Variants in REEP5 observed in about 807,000 individuals in gnomAD.
REEP5 encodes the protein receptor accessory protein 5, also known as receptor expression-enhancing protein 5.
Under a neutral mutation model 22.4 loss-of-function variants are expected in REEP5, and 24 were observed. The ratio of observed to expected loss-of-function variants is 1.07; its 90% CI spans 0.78 to 1.51. The LOEUF (loss-of-function observed/expected upper bound fraction) is 1.51. REEP5 is among the 40% of genes most tolerant of loss of function. The pLI is 0.00. For synonymous variants in REEP5, 103 were observed against 88.6 expected, an observed-to-expected ratio of 1.16 and a Z score of -0.92; for missense variants, 252 against 233.0, an observed-to-expected ratio of 1.08 and a Z score of -0.53.
At chr5:112,911,563 T>C (rs1769104105) in intron 2 of REEP5, among the ~76,000 whole-genome samples, 1 of 152,254 alleles carries the variant, frequency 6.6e-6, no homozygotes. Flanking sequence ...ACATCCACTT[T>C]TACAAGTTCT....
At chr5:112,912,310 C>T (rs1274047051) in intron 2 of REEP5, among the ~76,000 whole-genome samples, 1 of 152,036 alleles carries the variant, frequency 6.6e-6, no homozygotes, top group Non-Finnish European at 1.5e-5. Context: ...TTCAAACTAG[C>T]CAAATGACAT....
chr5:112,883,592 C>A (rs1159626619), intron 4 of REEP5, among the ~76,000 whole-genome samples: 2 of 152,160 alleles, frequency 1.3e-5, no homozygotes, highest in Non-Finnish European at 2.9e-5. Context: ...ACTACACTAC[C>A]TTCGTGATCT....
intron 2 of REEP5, among the ~76,000 whole-genome samples, chr5:112,915,349 T>C (rs1182218955): frequency 2.0e-5 from 3 of 152,358 alleles, no homozygotes; most frequent in Middle Eastern, 3.4e-3. Flanking sequence ...TTTTTAAAAC[T>C]TTATTTTCTT....
intron 2 of REEP5, among the ~76,000 whole-genome samples, chr5:112,910,493 C>T (rs1348940034): frequency 6.6e-6 from 1 of 152,136 alleles, no homozygotes; most frequent in Non-Finnish European, 1.5e-5. Flanking sequence ...ACTTCACTTA[C>T]CACCTAGGCA....
Position 112,922,184 on chromosome 5 carries a change from C to T in REEP5, c.7G>A (p.Ala3Thr), listed in dbSNP as rs549059592. MSAAMRERFDRFL... is the reference protein window; with the variant it reads MSTAMRERFDRFL... ...CGGTCGAACCTCTCCCTCATGGCCG[C>T]AGACATGGCGGGGACCGTCTCGCCG... The change falls in exon 1 of 5, where the codon GCG becomes ACG. Residue 3 changes from alanine to threonine, a missense_variant. Coordinates refer to ENST00000379638, the MANE Select transcript of REEP5 (RefSeq NM_005669.5). 5 of 1,606,642 alleles carry T rather than the reference C, an allele frequency of 3.1e-6. No individual in the cohort carries two copies. In the Admixed American group the frequency reaches 5.1e-5, roughly 16 times the overall value.
chr5:112,910,290 G>A (rs468610), intron 2 of REEP5, among the ~76,000 whole-genome samples: 64,174 of 151,840 alleles, frequency 0.42, 14,615 homozygotes, highest in African/African-American at 0.61. Flanking sequence ...CGACAGAGCA[G>A]GACTCCATCT....
At chr5:112,899,355 G>A (rs1768791081) in intron 3 of REEP5, among the ~76,000 whole-genome samples, 1 of 151,944 alleles carries the variant, frequency 6.6e-6, no homozygotes, top group Non-Finnish European at 1.5e-5. Flanking sequence ...ATGTTGCCCA[G>A]GATGGTGTCA....
intron 3 of REEP5, among the ~76,000 whole-genome samples, chr5:112,888,513 C>A (rs1768331151): frequency 6.6e-6 from 1 of 152,154 alleles, no homozygotes; most frequent in East Asian, 1.9e-4. Context: ...GCCTTGAACT[C>A]CTGGGTTCAA....
In REEP5 at chr5:112,911,932, G is replaced by C. The variant is rs547752766; in HGVS notation, c.212+9231C>G. Among the ~76,000 whole-genome samples, 3 of 152,254 alleles carry C rather than the reference G, an allele frequency of 2.0e-5. No individual in the cohort carries two copies. The South Asian group carries it at 6.2e-4, about 32-fold the overall frequency. On this transcript the variant is annotated intron_variant, in intron 2 of 4. Coordinates refer to ENST00000379638, the MANE Select transcript of REEP5 (RefSeq NM_005669.5). ...AAAAAATGAAAGTGAAAAAATAAAT[G>C]AAAGAAAATACTCTTAGGAAGGTTT... is the stretch of plus-strand genomic sequence containing the variant.
At chr5:112,883,323 C>T (rs905859596) in intron 4 of REEP5, among the ~76,000 whole-genome samples, 1 of 152,120 alleles carries the variant, frequency 6.6e-6, no homozygotes, top group Non-Finnish European at 1.5e-5. Flanking sequence ...ATCACTAGTA[C>T]CTTCCTCATT....
chr5:112,919,059 T>C (rs1024631892), intron 2 of REEP5, among the ~76,000 whole-genome samples: 3 of 152,222 alleles, frequency 2.0e-5, no homozygotes, highest in African/African-American at 7.2e-5. Flanking sequence ...CATTTGATTT[T>C]TGCTAAATAG....
chr5:112,888,924 C>T (rs1404155706), intron 3 of REEP5, among the ~76,000 whole-genome samples: 2 of 150,788 alleles, frequency 1.3e-5, no homozygotes, highest in African/African-American at 4.9e-5. Context: ...ATAACTGAAT[C>T]ATGGGGGTGG....
chr5:112,880,374 G>T (rs939468314), intron 4 of REEP5, among the ~76,000 whole-genome samples: 1 of 152,200 alleles, frequency 6.6e-6, no homozygotes, highest in African/African-American at 2.4e-5. Flanking sequence ...GGGGAAAGGG[G>T]TTGTCTAGAA....
At chr5:112,882,349 A>G (rs368196271) in intron 4 of REEP5, among the ~76,000 whole-genome samples, 102 of 152,202 alleles carry the variant, frequency 6.7e-4, no homozygotes, top group African/African-American at 2.2e-3. Context: ...TATTCCCGCT[A>G]TTATCCTGAT....
chr5:112,911,530 A>T (rs558432282), intron 2 of REEP5, among the ~76,000 whole-genome samples: 20 of 152,350 alleles, frequency 1.3e-4, no homozygotes, highest in Non-Finnish European at 2.9e-4. Context: ...ATTATTTCAG[A>T]CACAATAAAT....
rs765074322 is a variant in REEP5 at position 112,892,318 on chromosome 5, G to C, written c.352-5135C>G. On this transcript the variant is annotated intron_variant, in intron 3 of 4. Transcript: ENST00000379638. ...GTGCAGGAGGGATGACTATGACCCT[G>C]ACGCAAGCCTGGAGTACAGCGAGGA... The C allele has an allele frequency of 1.9e-5, 30 of 1,613,986 alleles. No individual in the cohort carries two copies. In the African/African-American group the frequency reaches 3.9e-4, roughly 21 times the overall value.
At chr5:112,909,881 C>A (rs1769050359) in intron 2 of REEP5, among the ~76,000 whole-genome samples, 1 of 152,220 alleles carries the variant, frequency 6.6e-6, no homozygotes, top group African/African-American at 2.4e-5. Flanking sequence ...CTGGAATCTC[C>A]TTCCCAAATT....
At chr5:112,919,593 C>T (rs1769306535) in intron 2 of REEP5, among the ~76,000 whole-genome samples, 1 of 152,090 alleles carries the variant, frequency 6.6e-6, no homozygotes, top group African/African-American at 2.4e-5. Context: ...GGCATGAGAG[C>T]TCTGCCCTCA....
At chr5:112,901,824 A>C (rs1414376439) in intron 3 of REEP5, among the ~76,000 whole-genome samples, 1 of 150,162 alleles carries the variant, frequency 6.7e-6, no homozygotes. Context: ...TTAGCCAAGC[A>C]TGGTGGTGGG....
Sources: gnomAD v4.1 joint callset for allele counts (sites outside exome capture counted in the v4.1 genomes callset) on GRCh38, gnomAD v4.1.1 for gene constraint, MANE v1.5 for transcripts, NCBI Gene and HGNC (gene_info 2026-07-23, HGNC 2026-07-21) for gene names.